PCDHGA1: variants seen among roughly 807,000 people sequenced by gnomAD.
PCDHGA1 encodes the protein protocadherin gamma-A1.
PCDHGA1 carries 32 observed loss-of-function variants against 58.0 expected under a neutral mutation model. The ratio of observed to expected loss-of-function variants is 0.55; its 90% CI spans 0.42 to 0.74. The LOEUF (loss-of-function observed/expected upper bound fraction) is 0.74, where lower values mean the gene tolerates loss of function less well. Ranked by LOEUF, PCDHGA1 falls within the 30% of genes least tolerant of loss-of-function variation. The pLI, the probability that PCDHGA1 is intolerant of heterozygous loss-of-function variation, is 0.00. For synonymous variants in PCDHGA1, 498 were observed against 501.1 expected, an observed-to-expected ratio of 0.99 and a Z score of 0.08; for missense variants, 1,205 against 1,182.3, an observed-to-expected ratio of 1.02 and a Z score of -0.28.
At chr5:141,470,694 A>T (rs763715272) in intron 1 of PCDHGA1, among the ~76,000 whole-genome samples, 1 of 151,978 alleles carries the variant, frequency 6.6e-6, no homozygotes, top group African/African-American at 2.4e-5. Flanking sequence ...GAAATTCTTA[A>T]TAATTTTTAT....
chr5:141,505,078 C>G (rs535590642), intron 2 of PCDHGA1, among the ~76,000 whole-genome samples: 81 of 152,298 alleles, frequency 5.3e-4, no homozygotes, highest in African/African-American at 2.0e-3. Flanking sequence ...AGGAGAATCG[C>G]TTGAACCCAG....
intron 1 of PCDHGA1, chr5:141,415,094 A>T: frequency 1.9e-6 from 3 of 1,613,530 alleles, no homozygotes; most frequent in Non-Finnish European, 2.5e-6. Flanking sequence ...CTGGACAGAG[A>T]CGCGCTCAAG....
intron 1 of PCDHGA1, chr5:141,399,214 G>A: frequency 6.2e-7 from 1 of 1,613,956 alleles, no homozygotes; most frequent in African/African-American, 1.3e-5. Context: ...AACACTAATT[G>A]CTTTGATCAA....
rs554375300 is a variant in PCDHGA1 at position 141,361,649 on chromosome 5, T to C, written c.2421+28544T>C. The stretch of plus-strand genomic sequence containing the variant: ...AAGCCGCGGGAGATTTTATCCTACG[T>C]GTCCGTGAGCGCGCAGAGCGGGGTG... On this transcript the variant is annotated intron_variant, in intron 1 of 3. Transcript: ENST00000517417. 3.7e-6 allele frequency: 6 copies of C among 1,613,772 alleles called. No individual in the cohort carries two copies. The East Asian group carries it at 1.3e-4, about 36-fold the overall frequency.
intron 3 of PCDHGA1, among the ~76,000 whole-genome samples, chr5:141,509,791 C>T (rs2099878284): frequency 6.6e-6 from 1 of 152,164 alleles, no homozygotes; most frequent in Non-Finnish European, 1.5e-5. Flanking sequence ...TCATCATCTC[C>T]TCAGCTTCAT....
intron 2 of PCDHGA1, among the ~76,000 whole-genome samples, chr5:141,500,138 ACTTTT>A: frequency 6.6e-6 from 1 of 150,560 alleles, no homozygotes; most frequent in Middle Eastern, 3.2e-3. Flanking sequence ...ATCTTTCTAA[ACTTTT>A]CTTTGTGTAA....
chr5:141,487,577 C>A lies in PCDHGA1; in HGVS notation c.2422-7230C>A. 1.2e-6 allele frequency: 2 copies of A among 1,614,150 alleles called. No individual in the cohort carries two copies. Among genetic ancestry groups the A allele is most frequent in the Non-Finnish European group, 1.7e-6 (2 of 1,180,024 alleles). ...ACCTATGGCAGGGGAGCCTGTTCGC[C>A]CAAGCTGCCCACCCTCTGATCTTCT... On this transcript the variant is annotated intron_variant, in intron 1 of 3. Coordinates refer to ENST00000517417, the MANE Select transcript of PCDHGA1 (RefSeq NM_018912.3). The surrounding 1 kb of genome is among the most constrained non-coding windows in gnomAD (Gnocchi z 5.0).
At chr5:141,364,717 C>G in intron 1 of PCDHGA1, 1 of 1,613,970 alleles carries the variant, frequency 6.2e-7, no homozygotes, top group Non-Finnish European at 8.5e-7. Flanking sequence ...TTAATGATAA[C>G]TTCCCGCGTT....
intron 1 of PCDHGA1, chr5:141,410,284 G>A (rs2095374455): frequency 1.2e-6 from 2 of 1,613,990 alleles, no homozygotes; most frequent in Non-Finnish European, 1.7e-6. Flanking sequence ...ACCTGGTGGT[G>A]GCCTTGGCCT....
intron 1 of PCDHGA1, chr5:141,375,512 C>T (rs1300082311): frequency 1.3e-5 from 21 of 1,613,936 alleles, no homozygotes; most frequent in Non-Finnish European, 1.7e-5. Flanking sequence ...TGTGAATGCA[C>T]TGGACCCTGA....
Position 141,490,293 on chromosome 5 carries a change from A to G in PCDHGA1, c.2422-4514A>G, listed in dbSNP as rs1316965652. On this transcript the variant is annotated intron_variant, in intron 1 of 3. Transcript: ENST00000517417. The surrounding 1 kb of genome is among the most constrained non-coding windows in gnomAD (Gnocchi z 5.4). ...TCAATGACAATGCCCCAGAGGTGCTATTGGCCTCTTTGGCCAACCCTGTCC... is the reference window on the plus strand; with the variant it reads ...TCAATGACAATGCCCCAGAGGTGCTGTTGGCCTCTTTGGCCAACCCTGTCC... The G allele has an allele frequency of 1.2e-6, 2 of 1,614,190 alleles. No individual in the cohort carries two copies. The highest frequency in any genetic ancestry group is 8.5e-7 in the Non-Finnish European group (1 of 1,180,028).
At chr5:141,368,381 A>G (rs1377109845) in intron 1 of PCDHGA1, among the ~76,000 whole-genome samples, 2 of 152,154 alleles carry the variant, frequency 1.3e-5, no homozygotes, top group East Asian at 3.8e-4. Context: ...ATATACACAC[A>G]TACACACACA....
chr5:141,355,213 C>T (rs1416061639), intron 1 of PCDHGA1: 2 of 1,600,986 alleles, frequency 1.2e-6, no homozygotes, highest in Non-Finnish European at 1.7e-6. Flanking sequence ...GGCGGCGCCT[C>T]CTGCTCGCCC....
chr5:141,482,505 C>T (rs1183998287), intron 1 of PCDHGA1, among the ~76,000 whole-genome samples: 1 of 122,986 alleles, frequency 8.1e-6, no homozygotes, highest in African/African-American at 3.4e-5. Context: ...TTCTGGTACC[C>T]AGAGTACAGT....
intron 1 of PCDHGA1, chr5:141,389,052 T>C (rs769661783): frequency 9.5e-5 from 153 of 1,613,794 alleles, no homozygotes; most frequent in Non-Finnish European, 8.5e-5. Flanking sequence ...TGATGTTCCA[T>C]TTAAAATATT....
chr5:141,476,421 C>T lies in PCDHGA1; in HGVS notation c.2422-18386C>T, dbSNP rs765688262. On this transcript the variant is annotated intron_variant, in intron 1 of 3. Coordinates refer to ENST00000517417, the MANE Select transcript of PCDHGA1 (RefSeq NM_018912.3). The surrounding 1 kb of genome is among the most constrained non-coding windows in gnomAD (Gnocchi z 7.6). ...CGAGAGGAGCTGTGTGGGACACTGC[C>T]CTCTTGCACTGTAACTCTGGAGTTG... 1 of 1,614,026 alleles carries T rather than the reference C, an allele frequency of 6.2e-7. No homozygotes were observed. The highest frequency in any genetic ancestry group is 8.5e-7 in the Non-Finnish European group (1 of 1,179,994).
intron 1 of PCDHGA1, chr5:141,392,075 TG>T (rs2092461871): frequency 6.6e-6 from 1 of 152,236 alleles, no homozygotes. Context: ...GTAATTCAAG[TG>T]GCATTTAGAA....
At chr5:141,351,104 C>A (rs758554557) in intron 1 of PCDHGA1, 18 of 1,613,946 alleles carry the variant, frequency 1.1e-5, no homozygotes, top group Non-Finnish European at 1.4e-5. Context: ...CCTCAATTCC[C>A]CAATAAGTAC....
intron 1 of PCDHGA1, chr5:141,371,024 G>T: frequency 2.5e-6 from 4 of 1,614,004 alleles, no homozygotes; most frequent in Non-Finnish European, 3.4e-6. Flanking sequence ...ATCACCACCT[G>T]GTCCTCACAG....
Sources: gnomAD v4.1 joint callset for allele counts (sites outside exome capture counted in the v4.1 genomes callset) on GRCh38, gnomAD v4.1.1 for gene constraint, Gnocchi (gnomAD v3.1) non-coding constraint, MANE v1.5 for transcripts, NCBI Gene and HGNC (gene_info 2026-07-23, HGNC 2026-07-21) for gene names.